MARCHF6: variants seen among roughly 807,000 people sequenced by gnomAD.
The protein encoded by MARCHF6 is E3 ubiquitin-protein ligase MARCHF6.
In MARCHF6, 31 loss-of-function variants were observed where a neutral mutation model predicts 133.7. That is an observed-to-expected ratio of 0.23 (90% confidence interval 0.17 to 0.31). The LOEUF (loss-of-function observed/expected upper bound fraction) is 0.31, where lower values mean the gene tolerates loss of function less well. MARCHF6 is among the 10% of genes least tolerant of loss of function. The probability of loss-of-function intolerance (pLI) is 1.00; values close to 1 mark genes in which losing one functional copy is unlikely to be tolerated. For missense variants in MARCHF6, 723 were observed against 1,121.6 expected (o/e 0.64, Z 5.08); for synonymous variants, 395 against 402.5 (o/e 0.98, Z 0.22).
At chr5:10,409,009 C>T (rs961501680) in intron 17 of MARCHF6, among the ~76,000 whole-genome samples, 5 of 151,924 alleles carry the variant, frequency 3.3e-5, no homozygotes, top group African/African-American at 4.8e-5. Flanking sequence ...TTTGTGGAGA[C>T]AGGGTCTGAC....
intron 9 of MARCHF6, among the ~76,000 whole-genome samples, chr5:10,396,880 T>A (rs960817146): frequency 1.3e-5 from 2 of 152,184 alleles, no homozygotes; most frequent in Non-Finnish European, 2.9e-5. Flanking sequence ...GAAGGCAGAT[T>A]GGACGTTGAA....
chr5:10,365,885 G>A (rs565723689), intron 1 of MARCHF6, among the ~76,000 whole-genome samples: 1 of 151,980 alleles, frequency 6.6e-6, no homozygotes, highest in Non-Finnish European at 1.5e-5. Flanking sequence ...AAGGGAGTGT[G>A]GTCATTTAAA....
intron 22 of MARCHF6, among the ~76,000 whole-genome samples, chr5:10,419,704 A>C (rs1338783481): frequency 6.6e-6 from 1 of 152,186 alleles, no homozygotes; most frequent in Non-Finnish European, 1.5e-5. Flanking sequence ...ACCTAACAAA[A>C]TAATTGATTA....
chr5:10,437,128 G>A lies in MARCHF6; in HGVS notation c.*3444G>A, dbSNP rs562441442. 1.3e-5 allele frequency: 2 copies of A among 152,332 alleles called. No individual in the cohort carries two copies. Among genetic ancestry groups the A allele is most frequent in the African/African-American group, 2.4e-5 (1 of 41,582 alleles). The allele number at this position is 152,332 out of a possible 1,614,324, so 9.4% of individuals were successfully genotyped here. Reference sequence around the variant, plus strand: ...CGTTTGCGAATGTGCGTGAACACACGCACACGTGCAGGAGAATGTAGTGCC... The same window carrying A: ...CGTTTGCGAATGTGCGTGAACACACACACACGTGCAGGAGAATGTAGTGCC... On this transcript the variant is annotated 3_prime_UTR_variant, in exon 26 of 26. Transcript: ENST00000274140.
At chr5:10,402,854 C>T (rs1174577651) in intron 14 of MARCHF6, among the ~76,000 whole-genome samples, 6 of 151,928 alleles carry the variant, frequency 3.9e-5, no homozygotes, top group Admixed American at 3.9e-4. Flanking sequence ...ATTTTATTGC[C>T]CATTTTGCTG....
chr5:10,388,684 A>G (rs1737631139), intron 5 of MARCHF6, among the ~76,000 whole-genome samples: 1 of 152,146 alleles, frequency 6.6e-6, no homozygotes, highest in Admixed American at 6.5e-5. Flanking sequence ...ATCTTCTAAA[A>G]GGCTAGTAGG....
chr5:10,356,206 G>A (rs1025660865), intron 1 of MARCHF6, among the ~76,000 whole-genome samples: 3 of 151,400 alleles, frequency 2.0e-5, no homozygotes, highest in Non-Finnish European at 4.4e-5. Flanking sequence ...TAAAAAATGC[G>A]ACTTAGGTTT....
intron 18 of MARCHF6, among the ~76,000 whole-genome samples, chr5:10,411,078 T>A (rs892292208): frequency 2.0e-5 from 3 of 152,240 alleles, no homozygotes; most frequent in African/African-American, 7.2e-5. Context: ...GTTACTGATT[T>A]CTTCTCAGAT....
chr5:10,366,003 G>T (rs986121374), intron 1 of MARCHF6, among the ~76,000 whole-genome samples: 2 of 151,966 alleles, frequency 1.3e-5, no homozygotes, highest in African/African-American at 4.8e-5. Flanking sequence ...CGCAATTTCG[G>T]TTCACTGCAA....
At chr5:10,393,919 T>G (rs1738024327) in intron 7 of MARCHF6, among the ~76,000 whole-genome samples, 163 bp from the exon 8 acceptor site, 1 of 152,192 alleles carries the variant, frequency 6.6e-6, no homozygotes, top group African/African-American at 2.4e-5. Flanking sequence ...GTTTTTATTC[T>G]TATTTGTTCC....
At chr5:10,408,817 G>T (rs1739059219) in intron 17 of MARCHF6, among the ~76,000 whole-genome samples, 1 of 152,162 alleles carries the variant, frequency 6.6e-6, no homozygotes, top group African/African-American at 2.4e-5. Flanking sequence ...AGGATTACAG[G>T]CATGAGCCAC....
chr5:10,423,695 A>G (rs1359005049), intron 22 of MARCHF6, 40 bp from the exon 23 acceptor site: 1 of 1,411,430 alleles, frequency 7.1e-7, no homozygotes, highest in Non-Finnish European at 1.0e-6. Flanking sequence ...TTATTGTTAA[A>G]AAACAACAGA....
At chr5:10,381,737 A>G (rs1579551743) in intron 3 of MARCHF6, 63 bp from the exon 4 acceptor site, 1 of 1,283,930 alleles carries the variant, frequency 7.8e-7, no homozygotes, top group East Asian at 2.5e-5. Context: ...TCTATTTTAT[A>G]TTTATGAATT....
In MARCHF6 at chr5:10,402,050, T is replaced by G; in HGVS notation, c.973-9T>G. Reference sequence around the variant, plus strand: ...AATTAAATTTTATTTACTTTTTTCTTATTTCCAGGTCCAAGCATCTCATTT... The same window carrying G: ...AATTAAATTTTATTTACTTTTTTCTGATTTCCAGGTCCAAGCATCTCATTT... On this transcript the variant is annotated splice_polypyrimidine_tract_variant and intron_variant, in intron 11 of 25. Coordinates refer to ENST00000274140, the MANE Select transcript of MARCHF6 (RefSeq NM_005885.4). 6.4e-7 allele frequency: 1 copy of G among 1,572,940 alleles called. No homozygotes were observed. The highest frequency in any genetic ancestry group is 8.7e-7 in the Non-Finnish European group (1 of 1,143,100).
At chr5:10,406,609 C>T (rs963175431) in intron 16 of MARCHF6, among the ~76,000 whole-genome samples, 5 of 151,934 alleles carry the variant, frequency 3.3e-5, no homozygotes, top group African/African-American at 7.3e-5. Context: ...AGGTTGGTCT[C>T]GAACTCCTGA....
chr5:10,414,583 C>T (rs1026116879), intron 20 of MARCHF6, 81 bp downstream of exon 20: 1 of 1,161,442 alleles, frequency 8.6e-7, no homozygotes, highest in Admixed American at 1.8e-5. Context: ...TGCTCTGTTC[C>T]CCAGTCTGGA....
At chr5:10,385,980 A>T (rs1737444068) in intron 4 of MARCHF6, among the ~76,000 whole-genome samples, 1 of 151,748 alleles carries the variant, frequency 6.6e-6, no homozygotes, top group Non-Finnish European at 1.5e-5. Flanking sequence ...CTAGCTTAGC[A>T]TCGTATCCTG....
At chr5:10,368,774 T>C (rs188786053) in intron 1 of MARCHF6, among the ~76,000 whole-genome samples, 225 of 152,178 alleles carry the variant, frequency 1.5e-3, no homozygotes, top group African/African-American at 5.2e-3. Flanking sequence ...TGTTTCACCA[T>C]GTTGGCCAGG....
At chr5:10,393,953 G>C (rs919406949) in intron 7 of MARCHF6, 129 bp from the exon 8 acceptor site, 2 of 419,424 alleles carry the variant, frequency 4.8e-6, no homozygotes, top group Admixed American at 8.5e-5. Flanking sequence ...ACTCAGTATG[G>C]AAATGTGGCT....
Sources: gnomAD v4.1 joint callset for allele counts (sites outside exome capture counted in the v4.1 genomes callset) on GRCh38, gnomAD v4.1.1 for gene constraint, MANE v1.5 for transcripts, NCBI Gene and HGNC (gene_info 2026-07-23, HGNC 2026-07-21) for gene names.